The following AGFG1 variants were observed in gnomAD, a reference collection of about 807,000 sequenced individuals.
The protein encoded by AGFG1 is ArfGAP with FG repeats 1.
Under a neutral mutation model 60.6 loss-of-function variants are expected in AGFG1, and 10 were observed. That is an observed-to-expected ratio of 0.16 (90% confidence interval 0.10 to 0.28). The LOEUF is 0.28. AGFG1 is among the 10% of genes least tolerant of loss of function. The pLI is 1.00. For missense variants in AGFG1, 537 were observed against 676.5 expected (o/e 0.79, Z 2.29); for synonymous variants, 247 against 242.9 (o/e 1.02, Z -0.16).
At chr2:227,506,412 C>T (rs1691313084) in intron 2 of AGFG1, among the ~76,000 whole-genome samples, 1 of 151,952 alleles carries the variant, frequency 6.6e-6, no homozygotes, top group Non-Finnish European at 1.5e-5. Flanking sequence ...TTTCTCTGGC[C>T]ATCTCTCTTC....
chr2:227,538,324 G>A (rs1312408087), intron 10 of AGFG1, among the ~76,000 whole-genome samples: 1 of 152,194 alleles, frequency 6.6e-6, no homozygotes, highest in Non-Finnish European at 1.5e-5. Context: ...CCAAACTTGT[G>A]TTCGAATTCT....
intron 1 of AGFG1, among the ~76,000 whole-genome samples, chr2:227,473,783 C>G (rs912477518): frequency 3.3e-5 from 5 of 152,062 alleles, no homozygotes; most frequent in African/African-American, 1.2e-4. Flanking sequence ...CAGAACATGT[C>G]TAGTATGTAC....
At chr2:227,542,484 C>T (rs1481408430) in intron 10 of AGFG1, among the ~76,000 whole-genome samples, 1 of 152,178 alleles carries the variant, frequency 6.6e-6, no homozygotes, top group African/African-American at 2.4e-5. Context: ...TATGTTGAAC[C>T]AGCCTTGCAT....
At chr2:227,547,009 G>T (rs556518616) in intron 10 of AGFG1, among the ~76,000 whole-genome samples, 2 of 152,244 alleles carry the variant, frequency 1.3e-5, no homozygotes, top group Non-Finnish European at 2.9e-5. Flanking sequence ...TGCCTTAAAG[G>T]TTCAAAATTC....
chr2:227,551,528 A>G (rs1453430020), intron 10 of AGFG1, among the ~76,000 whole-genome samples: 3 of 152,132 alleles, frequency 2.0e-5, no homozygotes, highest in African/African-American at 4.8e-5. Context: ...TTTTGCAGGA[A>G]CACATATTAT....
chr2:227,479,232 A>T (rs1690383700), intron 1 of AGFG1, among the ~76,000 whole-genome samples: 1 of 152,210 alleles, frequency 6.6e-6, no homozygotes, highest in Non-Finnish European at 1.5e-5. Flanking sequence ...TCCAGCATTC[A>T]GGTTGTGGTG....
intron 2 of AGFG1, among the ~76,000 whole-genome samples, chr2:227,494,833 A>G (rs2106173298): frequency 6.6e-6 from 1 of 152,378 alleles, no homozygotes; most frequent in Non-Finnish European, 1.5e-5. Context: ...GAGAGGGGCT[A>G]CCAAGTTACA....
chr2:227,504,669 C>T (rs941239138), intron 2 of AGFG1, among the ~76,000 whole-genome samples: 4 of 152,218 alleles, frequency 2.6e-5, no homozygotes, highest in African/African-American at 9.6e-5. Context: ...TCTAATTGCC[C>T]TTGTGGGCCT....
chr2:227,538,482 T>C (rs978435791), intron 10 of AGFG1, among the ~76,000 whole-genome samples: 1 of 152,244 alleles, frequency 6.6e-6, no homozygotes, highest in African/African-American at 2.4e-5. Flanking sequence ...ATAGATATTA[T>C]AACTTCACTT....
rs980876371 is a variant in AGFG1, at chr2:227,559,821, G to T, written c.*5326G>T. ...TGATCATTAACTAAAGGCAGCAAGGGATTGTAAACTAATCTTACATAGTCA... is the reference window on the plus strand; with the variant it reads ...TGATCATTAACTAAAGGCAGCAAGGTATTGTAAACTAATCTTACATAGTCA... On this transcript the variant is annotated 3_prime_UTR_variant, in exon 13 of 13. Transcript: ENST00000310078. The T allele has an allele frequency of 1.1e-4, 16 of 152,092 alleles. No homozygotes were observed. Among genetic ancestry groups the T allele is most frequent in the African/African-American group, 3.9e-4 (16 of 41,418 alleles). 9.4% of individuals were successfully genotyped at this position (152,092 alleles called of 1,614,324 possible).
chr2:227,512,388 T>G (rs1358238864), intron 2 of AGFG1, among the ~76,000 whole-genome samples: 1 of 152,236 alleles, frequency 6.6e-6, no homozygotes, highest in East Asian at 1.9e-4. Context: ...ATGTATTGTT[T>G]AGATATGTGT....
intron 2 of AGFG1, among the ~76,000 whole-genome samples, chr2:227,503,888 T>G (rs1691231381): frequency 6.6e-6 from 1 of 152,250 alleles, no homozygotes; most frequent in Non-Finnish European, 1.5e-5. Context: ...TACTTTGCTC[T>G]TTTATTATTT....
At chr2:227,483,485 G>A (rs1559166481) in intron 1 of AGFG1, among the ~76,000 whole-genome samples, 1 of 151,980 alleles carries the variant, frequency 6.6e-6, no homozygotes, top group Non-Finnish European at 1.5e-5. Context: ...AAAACTTTTA[G>A]CCCTTGTTTT....
At chr2:227,536,531 C>T (rs1692318466) in intron 8 of AGFG1, 94 bp from the exon 9 acceptor site, 2 of 968,208 alleles carry the variant, frequency 2.1e-6, no homozygotes, top group South Asian at 2.8e-5. Context: ...TGCTGTGATA[C>T]ACGATATGTT....
chr2:227,506,768 C>T (rs1290837190), intron 2 of AGFG1, among the ~76,000 whole-genome samples: 4 of 151,962 alleles, frequency 2.6e-5, no homozygotes. Context: ...CTTTTTTTAT[C>T]CTCTAAGTTT....
chr2:227,486,520 A>G (rs75500289), intron 1 of AGFG1, among the ~76,000 whole-genome samples: 7,876 of 152,194 alleles, frequency 0.052, 264 homozygotes, highest in African/African-American at 0.082. Context: ...TTTATATTAT[A>G]TAGTTTATTT....
chr2:227,500,823 G>A (rs890216466), intron 2 of AGFG1, among the ~76,000 whole-genome samples: 2 of 151,172 alleles, frequency 1.3e-5, no homozygotes, highest in Non-Finnish European at 2.9e-5. Context: ...ACAGAGTTTC[G>A]CTCTTGTTGC....
rs576973702 is a variant in AGFG1, at chr2:227,472,182, C to T, written c.-240C>T. Reference sequence around the variant, plus strand: ...CCCTCAGGAGAAGTCGGGAAGGTGGCGGCGGCGGCGGCGGTTGTCCCGGCT... The same window carrying T: ...CCCTCAGGAGAAGTCGGGAAGGTGGTGGCGGCGGCGGCGGTTGTCCCGGCT... On this transcript the variant is annotated 5_prime_UTR_variant, in exon 1 of 13. Transcript: ENST00000310078. 2.0e-3 allele frequency: 312 copies of T among 155,828 alleles called. 3 individuals are homozygous for T. The highest frequency in any genetic ancestry group is 6.7e-3 in the African/African-American group (277 of 41,570). 9.7% of individuals were successfully genotyped at this position (155,828 alleles called of 1,614,324 possible). A position where few individuals can be genotyped will look rare whatever the true frequency, so the allele number is the denominator to read the frequency against.
intron 10 of AGFG1, among the ~76,000 whole-genome samples, chr2:227,540,904 AG>A (rs1692473470): frequency 6.6e-6 from 1 of 152,124 alleles, no homozygotes; most frequent in African/African-American, 2.4e-5. Context: ...TGTGTGAGAT[AG>A]TATCTCATTG....
Sources: allele counts gnomAD v4.1 joint callset (sites outside exome capture counted in the v4.1 genomes callset), GRCh38; gene constraint gnomAD v4.1.1; transcripts MANE v1.5; gene names NCBI Gene and HGNC (gene_info 2026-07-23, HGNC 2026-07-21).